Variants in RBFOX1 observed in about 807,000 individuals in gnomAD.
RBFOX1 encodes the protein RNA binding protein fox-1 homolog 1.
RBFOX1 carries 8 observed loss-of-function variants against 57.7 expected under a neutral mutation model. The observed-to-expected ratio is 0.14, with a 90% CI of 0.08 to 0.25. The LOEUF is 0.25. Among genes scored for constraint, RBFOX1 ranks in the 10% least tolerant of loss-of-function variants. The pLI is 1.00. For synonymous variants in RBFOX1, 326 were observed against 222.4 expected (o/e 1.47, Z -4.15); for missense variants, 611 against 548.5 (o/e 1.11, Z -1.14).
intron 3 of RBFOX1, among the ~76,000 whole-genome samples, chr16:5,740,484 C>G (rs1435814036): frequency 1.3e-5 from 2 of 152,206 alleles, no homozygotes; most frequent in East Asian, 3.9e-4. Context: ...GTAAAGTTTT[C>G]TGTAGCAAAC....
chr16:6,658,781 GC>G (rs2098679362), intron 3 of RBFOX1, among the ~76,000 whole-genome samples: 1 of 152,044 alleles, frequency 6.6e-6, no homozygotes, highest in African/African-American at 2.4e-5. Context: ...AATTAGCAGA[GC>G]CCCTATGAAT....
At chr16:7,385,915 G>T (rs1057283523) in intron 4 of RBFOX1, among the ~76,000 whole-genome samples, 5 of 88,966 alleles carry the variant, frequency 5.6e-5, no homozygotes, top group African/African-American at 2.3e-4. Context: ...ACCATGCCCA[G>T]TTACTTATTT....
intron 3 of RBFOX1, among the ~76,000 whole-genome samples, chr16:6,991,166 ACG>A (rs367751104): frequency 2.7e-5 from 4 of 145,648 alleles, no homozygotes; most frequent in African/African-American, 1.0e-4. Context: ...AAAAAAAGAC[ACG>A]GTGGCGTGTA....
intron 4 of RBFOX1, among the ~76,000 whole-genome samples, chr16:5,957,494 G>A (rs1302917811): frequency 6.6e-6 from 1 of 152,092 alleles, no homozygotes; most frequent in Admixed American, 6.5e-5. Context: ...CAAAGTACTG[G>A]GATTACAGGC....
intron 2 of RBFOX1, among the ~76,000 whole-genome samples, chr16:6,398,294 C>T (rs911716799): frequency 5.9e-5 from 9 of 152,126 alleles, no homozygotes; most frequent in African/African-American, 2.2e-4. Flanking sequence ...CAAAGCATAT[C>T]ATTCTGCTCC....
At chr16:7,465,890 T>A (rs1452498513) in intron 4 of RBFOX1, among the ~76,000 whole-genome samples, 1 of 152,232 alleles carries the variant, frequency 6.6e-6, no homozygotes, top group Non-Finnish European at 1.5e-5. Context: ...ACATACATTT[T>A]TTTGCCCCAA....
intron 1 of RBFOX1, among the ~76,000 whole-genome samples, chr16:5,454,233 C>G (rs2068512454): frequency 1.3e-5 from 2 of 152,246 alleles, no homozygotes; most frequent in Non-Finnish European, 2.9e-5. Context: ...GTCCTTCACA[C>G]TTCCCTCTGG....
intron 3 of RBFOX1, among the ~76,000 whole-genome samples, chr16:6,978,038 C>T (rs905759785): frequency 2.6e-5 from 4 of 151,712 alleles, no homozygotes; most frequent in Non-Finnish European, 5.9e-5. Context: ...TCCCCCAAGC[C>T]CCGCCCTCCC....
intron 1 of RBFOX1, among the ~76,000 whole-genome samples, chr16:6,165,694 C>T (rs2096912045): frequency 1.3e-5 from 2 of 152,370 alleles, no homozygotes; most frequent in South Asian, 4.1e-4. Context: ...AAACGCACAA[C>T]ATGCATGGGC....
At chr16:7,208,040 A>T (rs1429226561) in intron 4 of RBFOX1, among the ~76,000 whole-genome samples, 1 of 152,146 alleles carries the variant, frequency 6.6e-6, no homozygotes, top group Non-Finnish European at 1.5e-5. Context: ...TCTTCTCTGG[A>T]AAACTAGGAC....
chr16:7,097,061 T>A (rs1202036411), intron 4 of RBFOX1, among the ~76,000 whole-genome samples: 1 of 150,846 alleles, frequency 6.6e-6, no homozygotes. Context: ...CCTATACAAA[T>A]AAACACATGT....
At chr16:7,282,956 G>C (rs2067843136) in intron 4 of RBFOX1, among the ~76,000 whole-genome samples, 1 of 152,168 alleles carries the variant, frequency 6.6e-6, no homozygotes, top group South Asian at 2.1e-4. Context: ...GTGTGTGTTT[G>C]TGTATCTGTG....
intron 4 of RBFOX1, among the ~76,000 whole-genome samples, chr16:7,335,584 GAAAAAA>G (rs959362612): frequency 6.7e-5 from 5 of 74,650 alleles, no homozygotes; most frequent in African/African-American, 3.1e-4. Context: ...CTCAGATAAA[GAAAAAA>G]AAAAAAAAAA....
intron 1 of RBFOX1, among the ~76,000 whole-genome samples, chr16:5,327,695 C>T (rs557473369): frequency 1.3e-5 from 2 of 152,320 alleles, no homozygotes; most frequent in African/African-American, 4.8e-5. Flanking sequence ...GCATCCCCCT[C>T]CCCGATTCCC....
intron 4 of RBFOX1, among the ~76,000 whole-genome samples, chr16:7,216,077 C>T (rs1224356233): frequency 6.6e-6 from 1 of 152,126 alleles, no homozygotes; most frequent in Non-Finnish European, 1.5e-5. Context: ...TATTTGCCTT[C>T]TTTCACTTAG....
At chr16:6,310,174 C>T (rs2080072734) in intron 1 of RBFOX1, among the ~76,000 whole-genome samples, 1 of 152,224 alleles carries the variant, frequency 6.6e-6, no homozygotes, top group Admixed American at 6.5e-5. Context: ...GCGTGAGCCA[C>T]CACACCCAGC....
chr16:5,373,598 C>T (rs952819131), intron 1 of RBFOX1, among the ~76,000 whole-genome samples: 1 of 151,326 alleles, frequency 6.6e-6, no homozygotes, highest in Non-Finnish European at 1.5e-5. Context: ...GCCAGTTAAA[C>T]GTCTTTTCTT....
In RBFOX1 at chr16:6,934,975, C is replaced by T. The variant is rs140474943; in HGVS notation, c.-15-117082C>T. On this transcript the variant is annotated intron_variant, in intron 3 of 15. Transcript: ENST00000550418. ...TGGTGGCATTTGCCTGTGGTTCCAG[C>T]AAGTCGGGAGGCTGAGATAGGAGGA... is the stretch of plus-strand genomic sequence containing the variant. Among the ~76,000 whole-genome samples the T allele has an allele frequency of 2.0e-3, 305 of 152,002 alleles. 1 individual carries two copies. Among genetic ancestry groups the T allele is most frequent in the African/African-American group, 6.7e-3 (277 of 41,446 alleles).
intron 2 of RBFOX1, among the ~76,000 whole-genome samples, chr16:6,380,301 GA>G (rs1249610360): frequency 2.0e-5 from 3 of 150,542 alleles, no homozygotes; most frequent in Non-Finnish European, 4.4e-5. Context: ...CTTGGAAAGA[GA>G]ACAGTGACGG....
Sources: gnomAD v4.1 joint callset for allele counts (sites outside exome capture counted in the v4.1 genomes callset) on GRCh38, gnomAD v4.1.1 for gene constraint, MANE v1.5 for transcripts, NCBI Gene and HGNC (gene_info 2026-07-23, HGNC 2026-07-21) for gene names.